Variants in JARID2 observed in about 807,000 individuals in gnomAD.
JARID2 encodes jumonji and AT-rich interaction domain containing 2, also known as protein Jumonji.
A neutral mutation model predicts 125.6 loss-of-function variants in JARID2; 21 were observed. The ratio of observed to expected loss-of-function variants is 0.17; its 90% CI spans 0.12 to 0.24. The LOEUF is 0.24. JARID2 is among the 10% of genes least tolerant of loss of function. The pLI is 1.00. For missense variants in JARID2, 1,303 were observed against 1,639.6 expected (o/e 0.79, Z 3.55); for synonymous variants, 736 against 661.6 (o/e 1.11, Z -1.73).
intron 1 of JARID2, among the ~76,000 whole-genome samples, chr6:15,267,093 A>G (rs190562914): frequency 1.1e-4 from 17 of 152,320 alleles, no homozygotes; most frequent in African/African-American, 4.1e-4. Flanking sequence ...TAATGCTGAC[A>G]TATTGCAACT....
chr6:15,247,292 T>C (rs184418047), intron 1 of JARID2, among the ~76,000 whole-genome samples: 1 of 152,350 alleles, frequency 6.6e-6, no homozygotes, highest in East Asian at 1.9e-4. Flanking sequence ...AATTTCTCCC[T>C]GTTAACTGGG....
At chr6:15,325,192 C>A (rs901997941) in intron 1 of JARID2, among the ~76,000 whole-genome samples, 7 of 151,902 alleles carry the variant, frequency 4.6e-5, no homozygotes, top group Non-Finnish European at 8.8e-5. Context: ...GTACCTTGTA[C>A]CTGAGGGAAT....
At chr6:15,359,548 A>C (rs1250295324) in intron 1 of JARID2, among the ~76,000 whole-genome samples, 1 of 151,856 alleles carries the variant, frequency 6.6e-6, no homozygotes, top group Non-Finnish European at 1.5e-5. Context: ...CACTTCACTC[A>C]CTCGGCCCCT....
chr6:15,265,687 G>A (rs17712950), intron 1 of JARID2, among the ~76,000 whole-genome samples: 10,925 of 152,188 alleles, frequency 0.072, 407 homozygotes, highest in Admixed American at 0.1. Context: ...AGGGCTCTCC[G>A]TGAATGCTGT....
intron 1 of JARID2, among the ~76,000 whole-genome samples, chr6:15,250,987 T>C (rs953698679): frequency 6.6e-6 from 1 of 151,958 alleles, no homozygotes; most frequent in African/African-American, 2.4e-5. Context: ...TTAAAACACT[T>C]GGTGAAGGCT....
At chr6:15,412,942 G>A (rs1381048012) in intron 3 of JARID2, among the ~76,000 whole-genome samples, 1 of 147,842 alleles carries the variant, frequency 6.8e-6, no homozygotes, top group Non-Finnish European at 1.5e-5. Flanking sequence ...TTAAACAGAT[G>A]CTGGTTTTTT....
intron 4 of JARID2, among the ~76,000 whole-genome samples, chr6:15,454,433 T>TG (rs1297542619): frequency 6.6e-6 from 1 of 152,178 alleles, no homozygotes; most frequent in East Asian, 1.9e-4. Context: ...ACGAGGTAGG[T>TG]GGGGTTCCCA....
rs116633281 is a variant in JARID2 at position 15,320,745 on chromosome 6, A to T, written c.46-53372A>T. ...CTGTATTTCATTTGTGGAGTTAAGC[A>T]TATGGCCTCTAATTCATTTTCATAT... On this transcript the variant is annotated intron_variant, in intron 1 of 17. Coordinates refer to ENST00000341776, the MANE Select transcript of JARID2 (RefSeq NM_004973.4). 4.5e-3 allele frequency among the ~76,000 whole-genome samples: 688 copies of T among 152,310 alleles called. 5 individuals are homozygous for T. The highest frequency in any genetic ancestry group is 0.016 in the African/African-American group (658 of 41,574).
At chr6:15,304,656 T>C (rs1761757967) in intron 1 of JARID2, among the ~76,000 whole-genome samples, 1 of 152,212 alleles carries the variant, frequency 6.6e-6, no homozygotes, top group African/African-American at 2.4e-5. Flanking sequence ...TTATTGAACG[T>C]TTCCTTGTAG....
rs1554150128 is a variant in JARID2 at position 15,522,010 on chromosome 6, A to AAAGT, written c.*1760_*1763dup. Reference sequence around the variant, plus strand: ...TACTACAAGGTTTAATAATAAAAACAAAGTTTTTTGGACATTTGTCTGTCT... The same window carrying AAAGT: ...TACTACAAGGTTTAATAATAAAAACAAAGTAAGTTTTTTGGACATTTGTCTGTCT... On this transcript the variant is annotated 3_prime_UTR_variant, in exon 18 of 18. Coordinates refer to ENST00000341776, the MANE Select transcript of JARID2 (RefSeq NM_004973.4). The AAAGT allele has an allele frequency of 1.3e-5, 2 of 152,210 alleles. No homozygotes were observed. Among genetic ancestry groups the AAAGT allele is most frequent in the Non-Finnish European group, 2.9e-5 (2 of 68,020 alleles). The allele number at this position is 152,210 out of a possible 1,614,324, so 9.4% of individuals were successfully genotyped here. A position where few individuals can be genotyped will look rare whatever the true frequency, so the allele number is the denominator to read the frequency against.
chr6:15,413,721 C>A (rs1766004672), intron 3 of JARID2, among the ~76,000 whole-genome samples: 1 of 152,166 alleles, frequency 6.6e-6, no homozygotes, highest in Non-Finnish European at 1.5e-5. Context: ...ATCCTTGTGC[C>A]TCAGACTCCT....
At chr6:15,518,719 TG>T (rs1771685454) in intron 17 of JARID2, among the ~76,000 whole-genome samples, 1 of 152,180 alleles carries the variant, frequency 6.6e-6, no homozygotes, top group Non-Finnish European at 1.5e-5. Flanking sequence ...TGACCTCAGG[TG>T]ATCAGCTTGC....
chr6:15,379,132 G>A (rs1444542007), intron 2 of JARID2, among the ~76,000 whole-genome samples: 1 of 151,818 alleles, frequency 6.6e-6, no homozygotes, highest in Non-Finnish European at 1.5e-5. Flanking sequence ...TTTGCTATCA[G>A]TCTTGTTTTT....
chr6:15,507,273 G>A lies in JARID2; in HGVS notation c.2660+19G>A, dbSNP rs372174994. 11 of 1,600,042 alleles carry A rather than the reference G, an allele frequency of 6.9e-6. No individual in the cohort carries two copies. The highest frequency in any genetic ancestry group is 2.7e-5 in the African/African-American group (2 of 74,618). ...TTTCGAGGTAACCTGGGATTCTCTCGTCCAGGTTCTTGGGGATGTGACTGC... is the reference window on the plus strand; with the variant it reads ...TTTCGAGGTAACCTGGGATTCTCTCATCCAGGTTCTTGGGGATGTGACTGC... On this transcript the variant is annotated intron_variant, in intron 10 of 17. Coordinates refer to ENST00000341776, the MANE Select transcript of JARID2 (RefSeq NM_004973.4).
chr6:15,294,272 A>C (rs1050083464), intron 1 of JARID2, among the ~76,000 whole-genome samples: 3 of 152,052 alleles, frequency 2.0e-5, no homozygotes, highest in Non-Finnish European at 4.4e-5. Context: ...GGCTCACTGC[A>C]GCCTCCACCT....
chr6:15,398,443 C>CT lies in JARID2; in HGVS notation c.182-11779dup, dbSNP rs1172025969. 1.1e-4 allele frequency among the ~76,000 whole-genome samples: 17 copies of CT among 152,298 alleles called. No individual in the cohort carries two copies. In the East Asian group the frequency reaches 2.5e-3, roughly 22 times the overall value. On this transcript the variant is annotated intron_variant, in intron 2 of 17. Coordinates refer to ENST00000341776, the MANE Select transcript of JARID2 (RefSeq NM_004973.4). ...TGTTATTCCTAAATTGAATCCATTTCTTAGTGTTATTCTTGGTCTTCCAGA... is the reference window on the plus strand; with the variant it reads ...TGTTATTCCTAAATTGAATCCATTTCTTTAGTGTTATTCTTGGTCTTCCAGA...
rs1347219947 is a variant in JARID2, at chr6:15,392,057, TGTGTGTGTGTGTGTGTGTGTGC to T, written c.181+17810_181+17831del. On this transcript the variant is annotated intron_variant, in intron 2 of 17. Transcript: ENST00000341776. Reference sequence around the variant, plus strand: ...CCAGAGTGGTGTGTGTGTGTGTGTGTGTGTGTGTGTGTGTGTGTGTGCGTGTCTGGAGGTGGCAAAATGTGAG... The same window carrying T: ...CCAGAGTGGTGTGTGTGTGTGTGTGTGTGTCTGGAGGTGGCAAAATGTGAG... 4.0e-4 allele frequency among the ~76,000 whole-genome samples: 39 copies of T among 97,454 alleles called. 1 individual carries two copies. In the South Asian group the frequency reaches 4.8e-3, roughly 12 times the overall value. 63.9% of individuals were successfully genotyped at this position (97,454 alleles called of 152,430 possible).
chr6:15,440,888 A>T (rs1278981577), intron 3 of JARID2, among the ~76,000 whole-genome samples: 1 of 152,192 alleles, frequency 6.6e-6, no homozygotes, highest in Non-Finnish European at 1.5e-5. Flanking sequence ...GTTGTCAGAG[A>T]CAATGTGTCA....
At chr6:15,346,257 C>T (rs1401972598) in intron 1 of JARID2, among the ~76,000 whole-genome samples, 1 of 152,178 alleles carries the variant, frequency 6.6e-6, no homozygotes, top group African/African-American at 2.4e-5. Flanking sequence ...TTTTTTATTA[C>T]ACAGTAGCTT....
Sources: allele counts gnomAD v4.1 joint callset (sites outside exome capture counted in the v4.1 genomes callset), GRCh38; gene constraint gnomAD v4.1.1; transcripts MANE v1.5; gene names NCBI Gene and HGNC (gene_info 2026-07-23, HGNC 2026-07-21).